UFSP2: variants seen among roughly 807,000 people sequenced by gnomAD.
UFSP2 encodes the protein UFM1 specific peptidase 2, also known as ufm1-specific protease 2.
Under a neutral mutation model 60.2 loss-of-function variants are expected in UFSP2, and 43 were observed. The ratio of observed to expected loss-of-function variants is 0.71; its 90% confidence interval spans 0.56 to 0.92. UFSP2 has a LOEUF of 0.92. Ranked by LOEUF, UFSP2 falls within the 40% of genes least tolerant of loss-of-function variation. The pLI, the probability that UFSP2 is intolerant of heterozygous loss-of-function variation, is 0.00. For missense variants in UFSP2, 520 were observed against 575.0 expected (o/e 0.90, Z 0.98); for synonymous variants, 183 against 195.1 (o/e 0.94, Z 0.52).
rs781397551 is a variant in UFSP2 at position 185,418,769 on chromosome 4, T to G, written c.84A>C (p.Glu28Asp). The G allele has an allele frequency of 1.3e-6, 2 of 1,585,270 alleles. No individual in the cohort carries two copies. The highest frequency in any genetic ancestry group is 1.7e-6 in the Non-Finnish European group (2 of 1,171,656). The change falls in exon 3 of 12, where the codon GAA becomes GAC. Residue 28 changes from glutamate (E) to aspartate (D), a missense_variant and splice_region_variant. Glu to Asp is a conservative substitution (Grantham distance 45). Coordinates refer to ENST00000264689, the MANE Select transcript of UFSP2 (RefSeq NM_018359.5). ...DLAFQLATPN[E>D]IFLKKALKHV... Reference sequence around the variant, plus strand: ...GTTTCAGTGCCTTCTTGAGAAAAATTTCTAAATTAAAAGAATATAAATAGA... The same window carrying G: ...GTTTCAGTGCCTTCTTGAGAAAAATGTCTAAATTAAAAGAATATAAATAGA...
rs960050922 is a variant in UFSP2, at chr4:185,403,593, T to A, written c.1224A>T (p.Ile408=). ...MIGGGVLAHT[I]LGVAWNEITG... is the part of the protein sequence containing the mutation. ...TAATCTCATTCCATGCAACTCCTAG[T>A]ATTGTGTGGGCCAAAACTCCTCCCC... The change falls in exon 11 of 12, where the codon ATA becomes ATT. Residue 408 remains isoleucine, a synonymous_variant. Transcript: ENST00000264689. 6.2e-7 allele frequency: 1 copy of A among 1,613,760 alleles called. No homozygotes were observed. Among genetic ancestry groups the A allele is most frequent in the African/African-American group, 1.3e-5 (1 of 74,892 alleles).
chr4:185,415,903 C>A, intron 4 of UFSP2, 36 bp from the exon 5 acceptor site: 1 of 1,498,684 alleles, frequency 6.7e-7, no homozygotes, highest in Non-Finnish European at 9.1e-7. Context: ...ACTTGTAGTG[C>A]ATTAAACACT....
chr4:185,405,960 C>T lies in UFSP2; in HGVS notation c.1122-104G>A, dbSNP rs763541318. 2.4e-4 allele frequency: 376 copies of T among 1,576,282 alleles called. 2 individuals carry two copies. Among genetic ancestry groups the T allele is most frequent in the Admixed American group, 9.5e-4 (53 of 56,016 alleles). On this transcript the variant is annotated intron_variant, in intron 9 of 11. Transcript: ENST00000264689. ...TACTTTCTTGTTTTTTCGGGTGTTACTGAAAAAATATATAAATGTAAAAAA... is the reference window on the plus strand; with the variant it reads ...TACTTTCTTGTTTTTTCGGGTGTTATTGAAAAAATATATAAATGTAAAAAA...
At chr4:185,421,325 T>TAGG (rs2095548982) in intron 2 of UFSP2, among the ~76,000 whole-genome samples, 1 of 152,180 alleles carries the variant, frequency 6.6e-6, no homozygotes, top group African/African-American at 2.4e-5. Context: ...TGGTATCTGA[T>TAGG]ATAGTTTTGA....
intron 7 of UFSP2, among the ~76,000 whole-genome samples, chr4:185,411,622 A>C (rs77319938): frequency 0.051 from 7,736 of 152,270 alleles, 242 homozygotes; most frequent in South Asian, 0.088. Flanking sequence ...AAAGTATTTA[A>C]GGGTAAATAA....
At chr4:185,425,821 G>C (rs1487765999) in intron 1 of UFSP2, 45 bp downstream of exon 1, 1 of 1,593,442 alleles carries the variant, frequency 6.3e-7, no homozygotes, top group East Asian at 2.3e-5. Context: ...GGCTGCCAAA[G>C]TCCGGGGAAA....
chr4:185,400,805 C>T (rs1423140002), intron 11 of UFSP2, among the ~76,000 whole-genome samples: 1 of 152,168 alleles, frequency 6.6e-6, no homozygotes, highest in Admixed American at 6.5e-5. Flanking sequence ...GACAATTGAA[C>T]TAGCAATCTG....
intron 6 of UFSP2, 60 bp downstream of exon 6, chr4:185,415,095 A>T: frequency 7.3e-7 from 1 of 1,373,174 alleles, no homozygotes; most frequent in Non-Finnish European, 9.9e-7. Context: ...ATATATAATT[A>T]AATACAAAAT....
chr4:185,425,928 C>G lies in UFSP2; in HGVS notation c.-60G>C. On this transcript the variant is annotated 5_prime_UTR_variant, in exon 1 of 12. Coordinates refer to ENST00000264689, the MANE Select transcript of UFSP2 (RefSeq NM_018359.5). ...CTGCCCAAAAGTTCCGGGGGCCGGC[C>G]CTGAAGTGGTGTCACCGCACGGCCC... 3.8e-6 allele frequency: 6 copies of G among 1,562,050 alleles called. No individual in the cohort carries two copies. The South Asian group carries it at 5.9e-5, about 15-fold the overall frequency.
chr4:185,411,212 A>T (rs978634502), intron 7 of UFSP2, among the ~76,000 whole-genome samples: 6 of 151,956 alleles, frequency 3.9e-5, no homozygotes, highest in Non-Finnish European at 5.9e-5. Context: ...AACCTAGGTA[A>T]ATAACTTATA....
In UFSP2 at chr4:185,416,790, T is replaced by C. The variant is rs569103062; in HGVS notation, c.334-923A>G. ...GAAGAAACTTCTATTGGCCAAATCT[T>C]GGAAAATGTGAGCATCAAAATAACT... On this transcript the variant is annotated intron_variant, in intron 4 of 11. Transcript: ENST00000264689. Among the ~76,000 whole-genome samples, 9 of 152,290 alleles carry C rather than the reference T, an allele frequency of 5.9e-5. No homozygotes were observed. In the South Asian group the frequency reaches 1.9e-3, roughly 32 times the overall value.
intron 7 of UFSP2, among the ~76,000 whole-genome samples, chr4:185,410,685 G>A (rs746008461): frequency 5.4e-5 from 8 of 149,152 alleles, no homozygotes; most frequent in African/African-American, 1.2e-4. Flanking sequence ...AGTGGCTCAC[G>A]CCTGTAATCC....
chr4:185,405,940 T>A (rs1166261063), intron 9 of UFSP2, 84 bp from the exon 10 acceptor site: 4 of 1,604,274 alleles, frequency 2.5e-6, no homozygotes, highest in Non-Finnish European at 3.4e-6. Context: ...TTTCCTACTT[T>A]CTTGTTTTTT....
intron 10 of UFSP2, 39 bp from the exon 11 acceptor site, chr4:185,403,657 A>C: frequency 1.3e-6 from 2 of 1,597,256 alleles, no homozygotes; most frequent in South Asian, 2.3e-5. Context: ...TGAAGGCATA[A>C]ACAAATGTCA....
intron 2 of UFSP2, among the ~76,000 whole-genome samples, chr4:185,421,288 C>G (rs911158284): frequency 6.6e-6 from 1 of 152,158 alleles, no homozygotes; most frequent in African/African-American, 2.4e-5. Flanking sequence ...TAAAGGATGG[C>G]CAGCTGCAAT....
chr4:185,404,632 G>GA (rs2095518016), intron 10 of UFSP2, among the ~76,000 whole-genome samples: 1 of 151,392 alleles, frequency 6.6e-6, no homozygotes, highest in Non-Finnish European at 1.5e-5. Flanking sequence ...CTGCTACCCA[G>GA]GCTGGAGTAC....
rs756355545 is a variant in UFSP2, at chr4:185,400,469, C to T, written c.1333G>A (p.Gly445Arg). Residue 445 changes from glycine to arginine, a missense_variant, in exon 12 of 12, where the codon GGA (glycine) becomes AGA (arginine). Physicochemically the swap from Gly to Arg is moderately radical, Grantham distance 125. Coordinates refer to ENST00000264689, the MANE Select transcript of UFSP2 (RefSeq NM_018359.5). ...LQVILEKGWC[G>R]WKGPDFWNKD... Reference sequence around the variant, plus strand: ...TTCCAAAAATCTGGGCCCTTCCATCCGCACCAGCCCTGGATAGAGAAGACG... The same window carrying T: ...TTCCAAAAATCTGGGCCCTTCCATCTGCACCAGCCCTGGATAGAGAAGACG... 6.2e-6 allele frequency: 10 copies of T among 1,613,194 alleles called. No individual in the cohort carries two copies. Among genetic ancestry groups the T allele is most frequent in the Admixed American group, 3.3e-5 (2 of 59,910 alleles).
intron 7 of UFSP2, among the ~76,000 whole-genome samples, chr4:185,412,627 A>C (rs2095531313): frequency 6.6e-6 from 1 of 152,188 alleles, no homozygotes; most frequent in African/African-American, 2.4e-5. Flanking sequence ...AAGAACAGGA[A>C]AAAGTGACAC....
At chr4:185,412,187 AT>A (rs1194836349) in intron 7 of UFSP2, among the ~76,000 whole-genome samples, 3 of 152,300 alleles carry the variant, frequency 2.0e-5, no homozygotes, top group Non-Finnish European at 4.4e-5. Flanking sequence ...TAAAGTATAT[AT>A]TTTTCTTACG....
Sources: allele counts gnomAD v4.1 joint callset (sites outside exome capture counted in the v4.1 genomes callset), GRCh38; gene constraint gnomAD v4.1.1; transcripts MANE v1.5; gene names NCBI Gene and HGNC (gene_info 2026-07-23, HGNC 2026-07-21).